PTPRN2: variants seen among roughly 807,000 people sequenced by gnomAD.
PTPRN2 encodes the protein receptor-type tyrosine-protein phosphatase N2.
A neutral mutation model predicts 118.8 loss-of-function variants in PTPRN2; 74 were observed. That is an observed-to-expected ratio of 0.62 (90% CI 0.52 to 0.76). The LOEUF is 0.76. Among genes scored for constraint, PTPRN2 ranks in the 30% least tolerant of loss-of-function variants. The probability of loss-of-function intolerance (pLI) is 0.00; values close to 1 mark genes in which losing one functional copy is unlikely to be tolerated. For synonymous variants in PTPRN2, 641 were observed against 608.0 expected (o/e 1.05, Z -0.80); for missense variants, 1,481 against 1,394.4 (o/e 1.06, Z -0.99).
At chr7:158,135,876 C>G (rs1189677397) in intron 8 of PTPRN2, among the ~76,000 whole-genome samples, 1 of 152,230 alleles carries the variant, frequency 6.6e-6, no homozygotes, top group African/African-American at 2.4e-5. Flanking sequence ...ACCCCCAAAA[C>G]TGGGTTTCCC....
intron 11 of PTPRN2, among the ~76,000 whole-genome samples, chr7:157,915,198 G>A (rs1798327513): frequency 6.6e-6 from 1 of 151,972 alleles, no homozygotes; most frequent in Admixed American, 6.6e-5. Flanking sequence ...TTTTTATTGT[G>A]GACTCAAATT....
chr7:157,924,474 T>G (rs1406664435), intron 11 of PTPRN2, among the ~76,000 whole-genome samples: 1 of 152,084 alleles, frequency 6.6e-6, no homozygotes, highest in East Asian at 1.9e-4. Flanking sequence ...CCTGGACGCC[T>G]CCAAAGGCCC....
intron 1 of PTPRN2, among the ~76,000 whole-genome samples, chr7:158,514,463 T>G (rs562130312): frequency 3.4e-4 from 51 of 152,218 alleles, no homozygotes; most frequent in African/African-American, 9.9e-4. Context: ...GTGATGCAAT[T>G]AAACCTCTGT....
chr7:158,256,451 T>C (rs930410301), intron 3 of PTPRN2, among the ~76,000 whole-genome samples: 2 of 152,216 alleles, frequency 1.3e-5, no homozygotes, highest in African/African-American at 4.8e-5. Context: ...GTCCGCGCCA[T>C]GTGGAATTTT....
chr7:157,900,635 C>T (rs1797386059), intron 11 of PTPRN2, among the ~76,000 whole-genome samples: 1 of 152,188 alleles, frequency 6.6e-6, no homozygotes, highest in Admixed American at 6.5e-5. Context: ...CGTCCCCTGC[C>T]AGGATGCTCT....
intron 12 of PTPRN2, among the ~76,000 whole-genome samples, chr7:157,897,574 C>T (rs117394810): frequency 0.019 from 2,872 of 152,326 alleles, 53 homozygotes; most frequent in Non-Finnish European, 0.032. Flanking sequence ...CATCAGTCGC[C>T]GGCTGCTCTC....
chr7:157,862,434 C>G (rs1175728081), intron 12 of PTPRN2: 2 of 152,250 alleles, frequency 1.3e-5, no homozygotes, highest in African/African-American at 2.4e-5. Flanking sequence ...TTGCTGTACA[C>G]CACCGGCTTA....
At chr7:158,190,686 A>G (rs1825686021) in intron 5 of PTPRN2, among the ~76,000 whole-genome samples, 1 of 152,234 alleles carries the variant, frequency 6.6e-6, no homozygotes, top group Non-Finnish European at 1.5e-5. Flanking sequence ...GTCCATGATC[A>G]GGAAAAACAC....
intron 6 of PTPRN2, among the ~76,000 whole-genome samples, chr7:158,139,943 G>C (rs1214474756): frequency 1.4e-5 from 2 of 142,166 alleles, no homozygotes; most frequent in Non-Finnish European, 3.1e-5. Flanking sequence ...TCACGTATGT[G>C]AACAAAGCTG....
At chr7:158,207,744 G>A (rs141842301) in intron 3 of PTPRN2, among the ~76,000 whole-genome samples, 73 of 152,204 alleles carry the variant, frequency 4.8e-4, no homozygotes, top group African/African-American at 1.7e-3. Flanking sequence ...ACATCCAAGA[G>A]CATCAAGACT....
intron 10 of PTPRN2, among the ~76,000 whole-genome samples, chr7:158,083,790 C>G (rs1020551280): frequency 6.6e-6 from 1 of 152,154 alleles, no homozygotes; most frequent in Non-Finnish European, 1.5e-5. Flanking sequence ...CAGGTGCCTG[C>G]GGTCACGGTG....
chr7:158,034,159 C>T (rs1488070239), intron 11 of PTPRN2, among the ~76,000 whole-genome samples: 3 of 151,902 alleles, frequency 2.0e-5, no homozygotes, highest in Middle Eastern at 6.3e-3. Context: ...ACTCTGCACT[C>T]TGAGGCCTGG....
intron 12 of PTPRN2, among the ~76,000 whole-genome samples, chr7:157,799,479 G>A (rs1200235260): frequency 6.6e-6 from 1 of 152,068 alleles, no homozygotes; most frequent in Admixed American, 6.5e-5. Context: ...CACCAGAGCA[G>A]ACCCAGCCCA....
intron 14 of PTPRN2, among the ~76,000 whole-genome samples, chr7:157,655,428 G>A (rs1806007897): frequency 6.6e-6 from 1 of 152,220 alleles, no homozygotes; most frequent in African/African-American, 2.4e-5. Context: ...CTGGCTTTTT[G>A]TGGTCCAGAT....
intron 1 of PTPRN2, among the ~76,000 whole-genome samples, chr7:158,495,023 C>G (rs1821728325): frequency 2.0e-5 from 3 of 152,126 alleles, no homozygotes; most frequent in Admixed American, 2.0e-4. Flanking sequence ...TTTGTCCTGT[C>G]CCCCTCTACA....
chr7:157,840,674 C>T (rs1193176534), intron 12 of PTPRN2, among the ~76,000 whole-genome samples: 2 of 152,194 alleles, frequency 1.3e-5, no homozygotes, highest in African/African-American at 4.8e-5. Flanking sequence ...GTGGATGACC[C>T]GATGCTGACG....
intron 2 of PTPRN2, among the ~76,000 whole-genome samples, chr7:158,459,196 T>A (rs2129442129): frequency 6.7e-6 from 1 of 150,190 alleles, no homozygotes; most frequent in Non-Finnish European, 1.5e-5. Context: ...TGCACACAGT[T>A]GCACAAGCAC....
At chr7:158,366,519 G>A (rs1484808497) in intron 2 of PTPRN2, among the ~76,000 whole-genome samples, 6 of 152,152 alleles carry the variant, frequency 3.9e-5, no homozygotes, top group Non-Finnish European at 7.3e-5. Context: ...CCCTGCACAC[G>A]GCTCTGTGAC....
chr7:158,322,487 C>A (rs535177904), intron 2 of PTPRN2, among the ~76,000 whole-genome samples: 1 of 152,114 alleles, frequency 6.6e-6, no homozygotes, highest in African/African-American at 2.4e-5. Flanking sequence ...CCCCGGTGGG[C>A]GACGGGGAGG....
Sources: gnomAD v4.1 joint callset for allele counts (sites outside exome capture counted in the v4.1 genomes callset) on GRCh38, gnomAD v4.1.1 for gene constraint, MANE v1.5 for transcripts, NCBI Gene and HGNC (gene_info 2026-07-23, HGNC 2026-07-21) for gene names.